The following TMEM108 variants were observed in gnomAD, a reference collection of about 807,000 sequenced individuals.
TMEM108 encodes transmembrane protein 108.
TMEM108 carries 12 observed loss-of-function variants against 35.1 expected under a neutral mutation model. That is an observed-to-expected ratio of 0.34 (90% CI 0.22 to 0.55). The LOEUF (loss-of-function observed/expected upper bound fraction) is 0.55, where lower values mean the gene tolerates loss of function less well. TMEM108 is among the 20% of genes least tolerant of loss of function. The pLI is 0.89. For missense variants in TMEM108, 680 were observed against 753.3 expected, an observed-to-expected ratio of 0.90 and a Z score of 1.14; for synonymous variants, 287 against 308.6, an observed-to-expected ratio of 0.93 and a Z score of 0.73.
At chr3:133,366,997 G>A (rs1458895224) in intron 3 of TMEM108, among the ~76,000 whole-genome samples, 1 of 152,232 alleles carries the variant, frequency 6.6e-6, no homozygotes, top group Non-Finnish European at 1.5e-5. Context: ...AAAGCATGCA[G>A]TTGATATAGC....
intron 3 of TMEM108, among the ~76,000 whole-genome samples, chr3:133,232,689 C>T (rs970555388): frequency 6.6e-6 from 1 of 152,220 alleles, no homozygotes; most frequent in Non-Finnish European, 1.5e-5. Flanking sequence ...GCAGGCAATG[C>T]TATTGAGGTT....
At chr3:133,120,617 C>T (rs1326615365) in intron 2 of TMEM108, among the ~76,000 whole-genome samples, 1 of 152,158 alleles carries the variant, frequency 6.6e-6, no homozygotes, top group East Asian at 1.9e-4. Context: ...TCTAATTTTT[C>T]ACTTTGTTAT....
intron 3 of TMEM108, among the ~76,000 whole-genome samples, chr3:133,281,792 C>T (rs1393760832): frequency 1.3e-5 from 2 of 152,164 alleles, no homozygotes; most frequent in Non-Finnish European, 2.9e-5. Flanking sequence ...GTTTGATCAT[C>T]CCTATGACTC....
intron 3 of TMEM108, among the ~76,000 whole-genome samples, chr3:133,294,416 CCTTAT>C (rs373436121): frequency 4.6e-5 from 7 of 152,142 alleles, no homozygotes; most frequent in African/African-American, 1.4e-4. Context: ...AAACACACAG[CCTTAT>C]GTCCCAGAGC....
intron 2 of TMEM108, among the ~76,000 whole-genome samples, chr3:133,061,418 T>C (rs1357224376): frequency 6.6e-6 from 1 of 152,130 alleles, no homozygotes. Context: ...TTTCACCGTG[T>C]TAGCCAAGAT....
intron 1 of TMEM108, among the ~76,000 whole-genome samples, chr3:133,044,838 C>T (rs1943315888): frequency 6.6e-6 from 1 of 152,228 alleles, no homozygotes; most frequent in African/African-American, 2.4e-5. Context: ...ATTTCTGTAG[C>T]CCTAACTACC....
chr3:133,231,117 A>T (rs545397137), intron 3 of TMEM108, among the ~76,000 whole-genome samples: 2 of 152,186 alleles, frequency 1.3e-5, no homozygotes, highest in East Asian at 3.8e-4. Flanking sequence ...CATTGTCCAC[A>T]AACAGAATGT....
At chr3:133,127,048 T>C (rs916088089) in intron 2 of TMEM108, among the ~76,000 whole-genome samples, 1 of 152,166 alleles carries the variant, frequency 6.6e-6, no homozygotes, top group Non-Finnish European at 1.5e-5. Flanking sequence ...GAAAGTCCTA[T>C]TGAGATGTGC....
chr3:133,089,114 C>T (rs1386061096), intron 2 of TMEM108, among the ~76,000 whole-genome samples: 5 of 152,082 alleles, frequency 3.3e-5, no homozygotes, highest in East Asian at 1.9e-4. Flanking sequence ...CTCATCATCA[C>T]GAACAGCACC....
chr3:133,174,794 T>C lies in TMEM108; in HGVS notation c.-46-54472T>C, dbSNP rs1945186297. 2.0e-5 allele frequency among the ~76,000 whole-genome samples: 3 copies of C among 152,112 alleles called. No individual in the cohort carries two copies. In the South Asian group the frequency reaches 6.2e-4, roughly 32 times the overall value. On this transcript the variant is annotated intron_variant, in intron 2 of 5. Coordinates refer to ENST00000321871, the MANE Select transcript of TMEM108 (RefSeq NM_023943.4). ...CTTCTCTCCTCCAAAGGAACGCAGC[T>C]CCTCACCAACAATGGAACAAAGCTG...
chr3:133,274,204 C>T (rs1946809825), intron 3 of TMEM108, among the ~76,000 whole-genome samples: 1 of 152,188 alleles, frequency 6.6e-6, no homozygotes, highest in Non-Finnish European at 1.5e-5. Flanking sequence ...TCAGATTGTT[C>T]TTGGTTATTC....
chr3:133,295,107 C>T (rs970489668), intron 3 of TMEM108, among the ~76,000 whole-genome samples: 4 of 152,146 alleles, frequency 2.6e-5, no homozygotes, highest in Non-Finnish European at 5.9e-5. Context: ...TGAGATGCTG[C>T]AGTCACATAT....
At chr3:133,337,080 C>T (rs970058980) in intron 3 of TMEM108, among the ~76,000 whole-genome samples, 3 of 152,108 alleles carry the variant, frequency 2.0e-5, no homozygotes, top group African/African-American at 4.8e-5. Flanking sequence ...GACTCCAGCC[C>T]CTGGCTCCTG....
chr3:133,092,506 C>CT (rs1281715705), intron 2 of TMEM108, among the ~76,000 whole-genome samples: 6 of 152,026 alleles, frequency 3.9e-5, no homozygotes, highest in Non-Finnish European at 8.8e-5. Flanking sequence ...TTCCTTGTAA[C>CT]TTTACAGCTG....
chr3:133,312,027 C>T (rs963370278), intron 3 of TMEM108, among the ~76,000 whole-genome samples: 8 of 152,222 alleles, frequency 5.3e-5, no homozygotes, highest in East Asian at 1.9e-4. Flanking sequence ...TGTTTGCCTG[C>T]GTATCACCAG....
At chr3:133,151,124 C>G (rs1269812070) in intron 2 of TMEM108, among the ~76,000 whole-genome samples, 1 of 151,990 alleles carries the variant, frequency 6.6e-6, no homozygotes, top group Non-Finnish European at 1.5e-5. Flanking sequence ...TTTTATGAAC[C>G]CTGTCTGGGT....
In TMEM108 at chr3:133,380,749, G is replaced by A. The variant is rs1231132550; in HGVS notation, c.1038G>A (p.Leu346=). The change falls in exon 4 of 6, where the codon CTG becomes CTA. Residue 346 remains leucine, a synonymous_variant. Coordinates refer to ENST00000321871, the MANE Select transcript of TMEM108 (RefSeq NM_023943.4). This position sits in a 1 kb window ranked among gnomAD's most constrained non-coding sequence, Gnocchi z 5.3. ...TTACCCCTGGCACCAGCAGACCTCT[G>A]TCTACCAGCTCTGGGGTCTTCACGG... is the stretch of plus-strand genomic sequence containing the variant. ...LTVTPGTSRP[L]STSSGVFTAA... 1.9e-6 allele frequency: 3 copies of A among 1,614,126 alleles called. No homozygotes were observed. Among genetic ancestry groups the A allele is most frequent in the South Asian group, 2.2e-5 (2 of 91,078 alleles).
chr3:133,228,496 A>G (rs1946107184), intron 2 of TMEM108, among the ~76,000 whole-genome samples: 2 of 152,190 alleles, frequency 1.3e-5, no homozygotes, highest in African/African-American at 4.8e-5. Flanking sequence ...ATGTCCTTCC[A>G]TAATGTGTTT....
At chr3:133,360,829 A>G (rs1221446640) in intron 3 of TMEM108, among the ~76,000 whole-genome samples, 8 of 152,228 alleles carry the variant, frequency 5.3e-5, no homozygotes. Context: ...GGCTATCTCC[A>G]GTTTACAAAC....
Sources: allele counts gnomAD v4.1 joint callset (sites outside exome capture counted in the v4.1 genomes callset), GRCh38; gene constraint gnomAD v4.1.1; non-coding constraint Gnocchi (gnomAD v3.1); transcripts MANE v1.5; gene names NCBI Gene and HGNC (gene_info 2026-07-23, HGNC 2026-07-21).